MLLT3: variants seen among roughly 807,000 people sequenced by gnomAD.
MLLT3 encodes the protein protein AF-9.
Under a neutral mutation model 53.2 loss-of-function variants are expected in MLLT3, and 4 were observed. The ratio of observed to expected loss-of-function variants is 0.08; its 90% CI spans 0.04 to 0.17. The LOEUF (loss-of-function observed/expected upper bound fraction) is 0.17, where lower values mean the gene tolerates loss of function less well. Among genes scored for constraint, MLLT3 ranks in the 10% least tolerant of loss-of-function variants. The probability of loss-of-function intolerance (pLI) is 1.00; values close to 1 mark genes in which losing one functional copy is unlikely to be tolerated. For missense variants in MLLT3, 569 were observed against 684.0 expected, an observed-to-expected ratio of 0.83 and a Z score of 1.87; for synonymous variants, 283 against 230.6, an observed-to-expected ratio of 1.23 and a Z score of -2.06.
chr9:20,393,839 A>G (rs1480826139), intron 5 of MLLT3, among the ~76,000 whole-genome samples: 2 of 152,202 alleles, frequency 1.3e-5, no homozygotes, highest in Non-Finnish European at 2.9e-5. Context: ...AACAAGAGAA[A>G]GTGATAACTG....
intron 2 of MLLT3, among the ~76,000 whole-genome samples, chr9:20,521,198 G>A (rs1818048856): frequency 1.3e-5 from 2 of 151,958 alleles, no homozygotes; most frequent in Non-Finnish European, 2.9e-5. Context: ...AGCCTCCCTA[G>A]CAGCTGGGAC....
chr9:20,493,544 A>G (rs1381038617), intron 2 of MLLT3, among the ~76,000 whole-genome samples: 1 of 152,038 alleles, frequency 6.6e-6, no homozygotes, highest in Non-Finnish European at 1.5e-5. Flanking sequence ...AATCTTGACC[A>G]CAGAAAAGCA....
chr9:20,483,698 C>CTTT (rs10538657), intron 2 of MLLT3, among the ~76,000 whole-genome samples: 11 of 68,924 alleles, frequency 1.6e-4, no homozygotes, highest in East Asian at 4.4e-4. Flanking sequence ...CAGTAAAACT[C>CTTT]TTTTTTTTTT....
At chr9:20,460,473 C>T (rs1003817690) in intron 2 of MLLT3, among the ~76,000 whole-genome samples, 1 of 152,130 alleles carries the variant, frequency 6.6e-6, no homozygotes, top group Non-Finnish European at 1.5e-5. Context: ...AAGCTTTTTT[C>T]ATCTGTAAAT....
intron 5 of MLLT3, among the ~76,000 whole-genome samples, chr9:20,395,719 C>A (rs1822305022): frequency 6.6e-6 from 1 of 152,052 alleles, no homozygotes; most frequent in South Asian, 2.1e-4. Flanking sequence ...AAAGCTTTTC[C>A]TTTGACTTAG....
intron 2 of MLLT3, among the ~76,000 whole-genome samples, chr9:20,529,610 T>C (rs1818279515): frequency 6.6e-6 from 1 of 152,332 alleles, no homozygotes. Flanking sequence ...TTGAGATCAT[T>C]TTAGAATTAT....
chr9:20,354,923 T>C (rs759839169), intron 8 of MLLT3, 44 bp from the exon 9 acceptor site: 3 of 1,436,966 alleles, frequency 2.1e-6, no homozygotes, highest in East Asian at 2.3e-5. Flanking sequence ...ATTTCAAGCA[T>C]CTCTTAGCTA....
At chr9:20,591,198 T>G (rs541733331) in intron 2 of MLLT3, among the ~76,000 whole-genome samples, 3 of 152,234 alleles carry the variant, frequency 2.0e-5, no homozygotes, top group Non-Finnish European at 4.4e-5. Flanking sequence ...TTATTTAGTA[T>G]GTTTTTTTCT....
chr9:20,612,269 CGAAGATGAAGAATCTCAAGT>C (rs1181127827), intron 2 of MLLT3, among the ~76,000 whole-genome samples: 1 of 152,078 alleles, frequency 6.6e-6, no homozygotes, highest in Non-Finnish European at 1.5e-5. Context: ...AAAGGGTAAT[CGAAGATGAAGAATCTCAAGT>C]GTCCTTTCCA....
chr9:20,382,090 C>T (rs1202223032), intron 5 of MLLT3, among the ~76,000 whole-genome samples: 2 of 151,784 alleles, frequency 1.3e-5, no homozygotes, highest in Admixed American at 6.6e-5. Flanking sequence ...AGAACAAATG[C>T]ACACTGGGGC....
chr9:20,343,837 T>C lies in MLLT3; in HGVS notation c.*2606A>G, dbSNP rs576940317. 32 of 210,046 alleles carry C rather than the reference T, an allele frequency of 1.5e-4. No individual in the cohort carries two copies. Among genetic ancestry groups the C allele is most frequent in the African/African-American group, 6.3e-4 (28 of 44,248 alleles). 13.0% of individuals were successfully genotyped at this position (210,046 alleles called of 1,614,324 possible). On this transcript the variant is annotated 3_prime_UTR_variant, in exon 11 of 11. Transcript: ENST00000380338. The stretch of plus-strand genomic sequence containing the variant: ...AAGATATTCTTAATAGGCTTCAAAG[T>C]TGGGTGTATATAAATGTGACAGAAC...
At chr9:20,486,953 TATA>T (rs1406317204) in intron 2 of MLLT3, among the ~76,000 whole-genome samples, 1 of 152,182 alleles carries the variant, frequency 6.6e-6, no homozygotes, top group Non-Finnish European at 1.5e-5. Context: ...CATGACATTT[TATA>T]ATAATAAAAT....
intron 2 of MLLT3, among the ~76,000 whole-genome samples, chr9:20,523,815 A>G (rs2118984101): frequency 6.6e-6 from 1 of 152,264 alleles, no homozygotes; most frequent in South Asian, 2.1e-4. Flanking sequence ...CAAAAAAAAT[A>G]CAAAAATTTG....
In MLLT3 at chr9:20,507,755, A is replaced by C. The variant is rs575015182; in HGVS notation, c.194-50969T>G. The stretch of plus-strand genomic sequence containing the variant: ...ATTCCCAAAATGGAAAAAAAAAAAA[A>C]AAAACAAATCTCAAGCCCAGAAAAA... On this transcript the variant is annotated intron_variant, in intron 2 of 10. Coordinates refer to ENST00000380338, the MANE Select transcript of MLLT3 (RefSeq NM_004529.4). 9.8e-4 allele frequency among the ~76,000 whole-genome samples: 148 copies of C among 151,728 alleles called. 2 individuals carry two copies. The highest frequency in any genetic ancestry group is 9.0e-4 in the Non-Finnish European group (61 of 67,878).
Position 20,398,488 on chromosome 9 carries a change from C to A in MLLT3, c.1125+15233G>T, listed in dbSNP as rs542480436. ...CTATTCTGTCTTGACAATTATGCAA[C>A]CTGAGGACACAGAAATTGGGGGAGT... is the stretch of plus-strand genomic sequence containing the variant. On this transcript the variant is annotated intron_variant, in intron 5 of 10. Transcript: ENST00000380338. Among the ~76,000 whole-genome samples the A allele has an allele frequency of 7.9e-5, 12 of 152,196 alleles. No homozygotes were observed. The South Asian group carries it at 1.7e-3, about 21-fold the overall frequency.
chr9:20,550,101 C>G (rs1818890517), intron 2 of MLLT3, among the ~76,000 whole-genome samples: 2 of 152,170 alleles, frequency 1.3e-5, no homozygotes, highest in South Asian at 4.1e-4. Context: ...AAAATCTCAC[C>G]TACAATTCAA....
At chr9:20,597,900 G>C (rs1563836961) in intron 2 of MLLT3, among the ~76,000 whole-genome samples, 2 of 152,132 alleles carry the variant, frequency 1.3e-5, no homozygotes, top group African/African-American at 4.8e-5. Flanking sequence ...TTTAAACTTA[G>C]ATATCTGCTT....
At chr9:20,375,737 T>C (rs1429971075) in intron 5 of MLLT3, among the ~76,000 whole-genome samples, 2 of 151,436 alleles carry the variant, frequency 1.3e-5, no homozygotes, top group Non-Finnish European at 2.9e-5. Context: ...GCCTCCTGAG[T>C]AGCTGGGACC....
chr9:20,364,495 A>C (rs954877953), intron 6 of MLLT3, among the ~76,000 whole-genome samples: 1 of 152,226 alleles, frequency 6.6e-6, no homozygotes, highest in Non-Finnish European at 1.5e-5. Context: ...AGACACTTTC[A>C]TTCGGGATTA....
Sources: allele counts gnomAD v4.1 joint callset (sites outside exome capture counted in the v4.1 genomes callset), GRCh38; gene constraint gnomAD v4.1.1; transcripts MANE v1.5; gene names NCBI Gene and HGNC (gene_info 2026-07-23, HGNC 2026-07-21).